The following CCNJL variants were observed in gnomAD, a reference collection of about 807,000 sequenced individuals.
CCNJL encodes the protein cyclin-J-like protein.
A neutral mutation model predicts 33.4 loss-of-function variants in CCNJL; 33 were observed. The ratio of observed to expected loss-of-function variants is 0.99; its 90% CI spans 0.75 to 1.32. The LOEUF (loss-of-function observed/expected upper bound fraction) is 1.32, where lower values mean the gene tolerates loss of function less well. CCNJL is among the 40% of genes most tolerant of loss of function. CCNJL has a pLI of 0.00. For synonymous variants in CCNJL, 227 were observed against 220.9 expected (o/e 1.03, Z -0.24); for missense variants, 512 against 499.7 (o/e 1.02, Z -0.23).
intron 1 of CCNJL, among the ~76,000 whole-genome samples, chr5:160,338,132 C>T (rs559271954): frequency 3.9e-4 from 60 of 152,352 alleles, no homozygotes; most frequent in African/African-American, 1.4e-3. Context: ...AAACCTGGCT[C>T]ACTCCTGTAG....
chr5:160,255,851 G>A (rs555664532), intron 4 of CCNJL, 143 bp from the exon 5 acceptor site: 2 of 712,434 alleles, frequency 2.8e-6, no homozygotes, highest in Non-Finnish European at 2.3e-6. Context: ...TAGAAACTGT[G>A]AAGTTCCATT....
intron 2 of CCNJL, 52 bp from the exon 3 acceptor site, chr5:160,280,790 T>C: frequency 1.6e-6 from 2 of 1,238,598 alleles, no homozygotes; most frequent in Non-Finnish European, 2.3e-6. Context: ...CTCCTGAGAG[T>C]CTCGGCTGTC....
chr5:160,313,425 G>A (rs963893893), upstream of CCNJL, among the ~76,000 whole-genome samples: 2 of 152,164 alleles, frequency 1.3e-5, no homozygotes, highest in East Asian at 1.9e-4. Context: ...AAAATTAAAG[G>A]AGATAATGCG....
chr5:160,276,054 T>G (rs190037116), intron 3 of CCNJL, among the ~76,000 whole-genome samples: 35 of 152,340 alleles, frequency 2.3e-4, no homozygotes, highest in Admixed American at 2.3e-3. Flanking sequence ...AACAGATGAC[T>G]GGATAAACAC....
chr5:160,252,036 G>A lies in CCNJL; in HGVS notation c.*1342C>T, dbSNP rs1760827402. 1 of 152,490 alleles carries A rather than the reference G, an allele frequency of 6.6e-6. No homozygotes were observed. The highest frequency in any genetic ancestry group is 2.4e-5 in the African/African-American group (1 of 41,442). 9.4% of individuals were successfully genotyped at this position (152,490 alleles called of 1,614,324 possible). ...ACTGGCAAGGGGCTAAGGAATCCAAGACAGGTATTCCTCAAACAAAACAAA... is the reference window on the plus strand; with the variant it reads ...ACTGGCAAGGGGCTAAGGAATCCAAAACAGGTATTCCTCAAACAAAACAAA... On this transcript the variant is annotated 3_prime_UTR_variant, in exon 6 of 6. Transcript: ENST00000257536.
At chr5:160,254,982 G>A (rs535019164) in intron 5 of CCNJL, 1 of 152,258 alleles carries the variant, frequency 6.6e-6, no homozygotes, top group African/African-American at 2.4e-5. Context: ...ACATTTAAAG[G>A]TGCAAACAGC....
intron 2 of CCNJL, among the ~76,000 whole-genome samples, chr5:160,296,418 A>G (rs1279795742): frequency 6.6e-6 from 1 of 152,248 alleles, no homozygotes; most frequent in Non-Finnish European, 1.5e-5. Context: ...AAGAAACTTG[A>G]AATCTTCCAC....
At position 160,280,602 on chromosome 5, in the gene CCNJL, T is replaced by TC. The variant is rs764077101; in HGVS notation, c.202dup (p.Asp68GlyfsTer28). On this transcript the variant is annotated frameshift_variant, in exon 3 of 6. Transcript: ENST00000257536. LOFTEE classifies it high-confidence loss of function. ...GACGTTGTAGCGATCCATGAAGTGGTCCAGCAGGTAGACGGCCAGGTGCCG... is the reference window on the plus strand; with the variant it reads ...GACGTTGTAGCGATCCATGAAGTGGTCCCAGCAGGTAGACGGCCAGGTGCCG... 2 of 1,613,326 alleles carry TC rather than the reference T, an allele frequency of 1.2e-6. No homozygotes were observed. The highest frequency in any genetic ancestry group is 2.7e-5 in the African/African-American group (2 of 74,860).
At chr5:160,258,326 CAG>C in intron 4 of CCNJL, 1 of 761,578 alleles carries the variant, frequency 1.3e-6, no homozygotes, top group Admixed American at 1.8e-5. Context: ...TACAACGCCA[CAG>C]GATTCAATAA....
At chr5:160,286,907 T>C (rs1762425639) in intron 2 of CCNJL, among the ~76,000 whole-genome samples, 1 of 152,170 alleles carries the variant, frequency 6.6e-6, no homozygotes. Context: ...CTTGGTAGTC[T>C]TCTCTTTGTG....
intron 1 of CCNJL, among the ~76,000 whole-genome samples, chr5:160,319,397 C>T (rs1047305066): frequency 6.6e-6 from 1 of 152,248 alleles, no homozygotes; most frequent in Non-Finnish European, 1.5e-5. Context: ...TTATCATTTG[C>T]GGCATGCTTA....
At chr5:160,339,518 T>A (rs1352420029) in exon 1 of CCNJL, 2 of 453,164 alleles carry the variant, frequency 4.4e-6, no homozygotes, top group Non-Finnish European at 8.9e-6. Flanking sequence ...GACGTATGCC[T>A]CATTTTCCAA....
chr5:160,305,356 C>G (rs1763059482), intron 2 of CCNJL, among the ~76,000 whole-genome samples: 1 of 152,182 alleles, frequency 6.6e-6, no homozygotes, highest in Non-Finnish European at 1.5e-5. Context: ...CCTGAGGTGT[C>G]CTTTTCCCTG....
In CCNJL at chr5:160,253,157, G is replaced by A. The variant is rs1760881880; in HGVS notation, c.*221C>T. The stretch of plus-strand genomic sequence containing the variant: ...CACCAAGCCATCCTTTTGTACCCTA[G>A]CCACACGTGGCAGACGTTTCTCAGA... On this transcript the variant is annotated 3_prime_UTR_variant, in exon 6 of 6. Transcript: ENST00000257536. The A allele has an allele frequency of 2.2e-6, 1 of 455,628 alleles. No homozygotes were observed. The highest frequency in any genetic ancestry group is 3.8e-6 in the Non-Finnish European group (1 of 260,026). The allele number at this position is 455,628 out of a possible 1,614,324, so 28.2% of individuals were successfully genotyped here.
At chr5:160,309,532 A>G (rs935227040) in intron 2 of CCNJL, among the ~76,000 whole-genome samples, 1 of 152,226 alleles carries the variant, frequency 6.6e-6, no homozygotes, top group Non-Finnish European at 1.5e-5. Context: ...CAGTGTTAGA[A>G]ACATATTATC....
Position 160,252,026 on chromosome 5 carries a change from A to T in CCNJL, c.*1352T>A, listed in dbSNP as rs940533966. 5.2e-5 allele frequency: 8 copies of T among 152,446 alleles called. No homozygotes were observed. The highest frequency in any genetic ancestry group is 1.9e-4 in the African/African-American group (8 of 41,458). The allele number at this position is 152,446 out of a possible 1,614,324, so 9.4% of individuals were successfully genotyped here. On this transcript the variant is annotated 3_prime_UTR_variant, in exon 6 of 6. Coordinates refer to ENST00000257536, the MANE Select transcript of CCNJL (RefSeq NM_001308173.3). ...AGTCTCCAGGACTGGCAAGGGGCTA[A>T]GGAATCCAAGACAGGTATTCCTCAA...
rs188737968 is a variant in CCNJL at position 160,328,034 on chromosome 5, A to G, written n.206+11411T>C. Among the ~76,000 whole-genome samples the G allele has an allele frequency of 8.4e-4, 128 of 152,282 alleles. 1 individual carries two copies. Among genetic ancestry groups the G allele is most frequent in the Non-Finnish European group, 1.6e-3 (109 of 68,020 alleles). ...GGAGGAATCCAGCCATGCCCCGGCT[A>G]GAGGATGAATACTCTGCAGAGGGAA... is the stretch of plus-strand genomic sequence containing the variant. On this transcript the variant is annotated intron_variant and non_coding_transcript_variant, in intron 1 of 7. Transcript: ENST00000377503.
chr5:160,273,995 G>A (rs775616484), intron 3 of CCNJL, among the ~76,000 whole-genome samples: 4 of 151,976 alleles, frequency 2.6e-5, no homozygotes, highest in Non-Finnish European at 4.4e-5. Flanking sequence ...AACAGAACCC[G>A]TAATGAGAAT....
chr5:160,284,132 G>A (rs541214342), intron 2 of CCNJL, among the ~76,000 whole-genome samples: 10 of 152,078 alleles, frequency 6.6e-5, no homozygotes, highest in East Asian at 1.9e-4. Flanking sequence ...CGGGTGGATC[G>A]CTTGAGTTTA....
Sources: gnomAD v4.1 joint callset for allele counts (sites outside exome capture counted in the v4.1 genomes callset) on GRCh38, gnomAD v4.1.1 for gene constraint, MANE v1.5 for transcripts, NCBI Gene and HGNC (gene_info 2026-07-23, HGNC 2026-07-21) for gene names.